UTS2B: variants seen among roughly 807,000 people sequenced by gnomAD.
The protein encoded by UTS2B is urotensin-2B.
A neutral mutation model predicts 19.2 loss-of-function variants in UTS2B; 21 were observed. The observed-to-expected ratio is 1.09, with a 90% CI of 0.78 to 1.58. UTS2B has a LOEUF of 1.58. Ranked by LOEUF, UTS2B falls within the 40% of genes most tolerant of loss-of-function variation. UTS2B has a pLI of 0.00. For synonymous variants in UTS2B, 57 were observed against 50.2 expected (o/e 1.14, Z -0.58); for missense variants, 138 against 130.3 (o/e 1.06, Z -0.29).
intron 2 of UTS2B, chr3:191,328,200 C>G (rs977164980): frequency 6.6e-6 from 1 of 152,192 alleles, no homozygotes; most frequent in Non-Finnish European, 1.5e-5. Flanking sequence ...AAAACCTCCC[C>G]TACGTGGCCT....
At chr3:191,327,073 A>G (rs1425719757) in intron 2 of UTS2B, among the ~76,000 whole-genome samples, 1 of 152,244 alleles carries the variant, frequency 6.6e-6, no homozygotes, top group Non-Finnish European at 1.5e-5. Flanking sequence ...TATTTTAAGC[A>G]TATCTTACTT....
At chr3:191,284,654 C>T (rs1396440848) in intron 4 of UTS2B, among the ~76,000 whole-genome samples, 1 of 151,084 alleles carries the variant, frequency 6.6e-6, no homozygotes, top group Admixed American at 6.6e-5. Flanking sequence ...GGCACAGTGA[C>T]TCACGCTTGT....
intron 3 of UTS2B, among the ~76,000 whole-genome samples, chr3:191,310,719 T>G (rs1468498897): frequency 1.6e-5 from 2 of 123,862 alleles, no homozygotes; most frequent in Admixed American, 8.5e-5. Flanking sequence ...GCATCTGATA[T>G]AGTAGCAATG....
the UTS2B span, among the ~76,000 whole-genome samples, chr3:191,338,181 GT>G: frequency 7.2e-5 from 11 of 152,264 alleles, no homozygotes; most frequent in African/African-American, 2.4e-4. Flanking sequence ...AACAAATTCT[GT>G]TTTGTTTATT....
chr3:191,327,041 A>T (rs1717761305), intron 2 of UTS2B, among the ~76,000 whole-genome samples: 2 of 152,232 alleles, frequency 1.3e-5, no homozygotes, highest in South Asian at 4.1e-4. Context: ...ATTTTTATGC[A>T]TATCTTACTG....
upstream of UTS2B, among the ~76,000 whole-genome samples, chr3:191,331,752 T>C (rs1717993921): frequency 6.6e-6 from 1 of 152,220 alleles, no homozygotes; most frequent in South Asian, 2.1e-4. Context: ...TATCCTTCCC[T>C]AATATAACTC....
chr3:191,315,835 A>T (rs537827296), intron 3 of UTS2B, among the ~76,000 whole-genome samples: 122 of 152,382 alleles, frequency 8.0e-4, no homozygotes, highest in African/African-American at 2.8e-3. Context: ...ATGAAAAATT[A>T]AATAATCACC....
At chr3:191,329,550 C>T (rs888659683) in intron 1 of UTS2B, 1 of 896,106 alleles carries the variant, frequency 1.1e-6, no homozygotes, top group African/African-American at 1.8e-5. Flanking sequence ...CGTTCTCCGG[C>T]CTGCGAGCCC....
intron 1 of UTS2B, among the ~76,000 whole-genome samples, chr3:191,329,954 G>GC (rs1457908639): frequency 2.9e-5 from 4 of 138,236 alleles, no homozygotes; most frequent in Non-Finnish European, 4.7e-5. Flanking sequence ...GGGGGGGGGG[G>GC]GGCTAGCAGC....
the UTS2B span, among the ~76,000 whole-genome samples, chr3:191,343,996 A>G: frequency 6.6e-6 from 1 of 152,232 alleles, no homozygotes; most frequent in Non-Finnish European, 1.5e-5. Context: ...CAAAACTATC[A>G]CATTAGGCCT....
intron 4 of UTS2B, among the ~76,000 whole-genome samples, chr3:191,289,450 A>ATAAATAAAT (rs56188122): frequency 0.13 from 18,437 of 143,164 alleles, 1,561 homozygotes; most frequent in Non-Finnish European, 0.17. Flanking sequence ...AAATAAATAA[A>ATAAATAAAT]AAACAAACGA....
Position 191,313,725 on chromosome 3 carries a change from C to CTTTTTTTT in UTS2B, c.-182+2303_-182+2310dup, listed in dbSNP as rs57398216. ...TAAGACAATGCATTCCTCCACTTTCCTTTTTTTTTTTTTTTTTTTTTTTGA... is the reference window on the plus strand; with the variant it reads ...TAAGACAATGCATTCCTCCACTTTCCTTTTTTTTTTTTTTTTTTTTTTTTTTTTTTTGA... On this transcript the variant is annotated intron_variant, in intron 3 of 8. Transcript: ENST00000340524. Among the ~76,000 whole-genome samples the CTTTTTTTT allele has an allele frequency of 9.9e-4, 108 of 109,130 alleles. 2 individuals carry two copies. The highest frequency in any genetic ancestry group is 3.5e-3 in the African/African-American group (102 of 29,330). 71.6% of individuals were successfully genotyped at this position (109,130 alleles called of 152,430 possible).
chr3:191,329,848 T>C (rs1576942461), intron 1 of UTS2B: 1 of 814,792 alleles, frequency 1.2e-6, no homozygotes, highest in South Asian at 1.6e-5. Context: ...GCGTTGGCCT[T>C]GCCCGGACGT....
At chr3:191,286,920 T>C (rs962852298) in intron 4 of UTS2B, among the ~76,000 whole-genome samples, 1 of 109,258 alleles carries the variant, frequency 9.2e-6, no homozygotes, top group African/African-American at 2.7e-5. Flanking sequence ...AAGAATGTAA[T>C]AGAAAAAAAA....
chr3:191,346,148 G>A, the UTS2B span, among the ~76,000 whole-genome samples: 1 of 152,078 alleles, frequency 6.6e-6, no homozygotes, highest in Non-Finnish European at 1.5e-5. Flanking sequence ...TTTCAAAGGA[G>A]CATTATAAAA....
rs1716203033 is a variant in UTS2B, at chr3:191,275,362, A to G, written c.241-17T>C. ...CTTTTCCAGCTGATAAAATTGTAAA[A>G]TGATAATTAATTGGTCTTCTATAAA... On this transcript the variant is annotated splice_polypyrimidine_tract_variant and intron_variant, in intron 7 of 8. Coordinates refer to ENST00000340524, the MANE Select transcript of UTS2B (RefSeq NM_198152.5). The G allele has an allele frequency of 1.3e-6, 2 of 1,595,584 alleles. No homozygotes were observed. The highest frequency in any genetic ancestry group is 1.7e-5 in the Admixed American group (1 of 59,924).
chr3:191,285,804 C>T (rs1166985923), intron 4 of UTS2B, among the ~76,000 whole-genome samples: 2 of 152,044 alleles, frequency 1.3e-5, no homozygotes, highest in African/African-American at 4.8e-5. Flanking sequence ...GAAGCTGAGG[C>T]AGGGGAATCA....
At chr3:191,339,354 A>T in the UTS2B span, among the ~76,000 whole-genome samples, 1 of 152,306 alleles carries the variant, frequency 6.6e-6, no homozygotes, top group East Asian at 1.9e-4. Flanking sequence ...GGGAGTTATG[A>T]TATAAAATTT....
chr3:191,309,908 T>G (rs914668390), intron 3 of UTS2B, among the ~76,000 whole-genome samples: 1 of 152,140 alleles, frequency 6.6e-6, no homozygotes, highest in Non-Finnish European at 1.5e-5. Flanking sequence ...ACCTCTTTTC[T>G]TCATAAAATT....
Sources: allele counts gnomAD v4.1 joint callset (sites outside exome capture counted in the v4.1 genomes callset), GRCh38; gene constraint gnomAD v4.1.1; transcripts MANE v1.5; gene names NCBI Gene and HGNC (gene_info 2026-07-23, HGNC 2026-07-21).